Variants in OR2L13 observed in about 807,000 individuals in gnomAD.
OR2L13 encodes the protein olfactory receptor 2L13.
OR2L13 carries 14 observed loss-of-function variants against 15.3 expected under a neutral mutation model. The observed-to-expected ratio is 0.91, with a 90% CI of 0.60 to 1.43. The LOEUF (loss-of-function observed/expected upper bound fraction) is 1.43, where lower values mean the gene tolerates loss of function less well. OR2L13 is among the 40% of genes most tolerant of loss of function. The probability of loss-of-function intolerance (pLI) is 0.00; values close to 1 mark genes in which losing one functional copy is unlikely to be tolerated. For synonymous variants in OR2L13, 152 were observed against 142.9 expected (o/e 1.06, Z -0.45); for missense variants, 367 against 387.9 (o/e 0.95, Z 0.45).
upstream of OR2L13, among the ~76,000 whole-genome samples, chr1:248,091,402 T>G (rs1443713695): frequency 6.9e-6 from 1 of 145,704 alleles, no homozygotes; most frequent in Non-Finnish European, 1.5e-5. Flanking sequence ...TTTTTCAGAG[T>G]ACTTAGAGTT....
chr1:248,067,677 C>T, the OR2L13 span, among the ~76,000 whole-genome samples: 40 of 152,298 alleles, frequency 2.6e-4, no homozygotes, highest in Admixed American at 1.8e-3. Flanking sequence ...GTGTGCGAGC[C>T]GAAGCAGGGC....
the OR2L13 span, among the ~76,000 whole-genome samples, chr1:247,980,455 G>T: frequency 6.6e-6 from 1 of 152,130 alleles, no homozygotes; most frequent in Non-Finnish European, 1.5e-5. Context: ...TCATTGGTAT[G>T]AATGCAGTGA....
At chr1:248,093,914 G>A (rs965889733), upstream of OR2L13, among the ~76,000 whole-genome samples, 2 of 152,000 alleles carry the variant, frequency 1.3e-5, no homozygotes, top group Non-Finnish European at 1.5e-5. Context: ...CCAGAGGCTC[G>A]GCAGAGTAGA....
At chr1:248,082,124 A>C in the OR2L13 span, among the ~76,000 whole-genome samples, 1 of 147,658 alleles carries the variant, frequency 6.8e-6, no homozygotes, top group Non-Finnish European at 1.5e-5. Context: ...TGGATTAAGA[A>C]AATGTGGCAT....
the OR2L13 span, chr1:248,038,143 C>T: frequency 3.0e-6 from 2 of 668,340 alleles, no homozygotes; most frequent in South Asian, 3.7e-5. Flanking sequence ...ATATAGGGTT[C>T]AGTATCAACC....
chr1:247,946,593 A>G, the OR2L13 span, among the ~76,000 whole-genome samples: 1 of 152,210 alleles, frequency 6.6e-6, no homozygotes, highest in Non-Finnish European at 1.5e-5. Flanking sequence ...AAGGACTTCA[A>G]TTTATCTTTC....
the OR2L13 span, among the ~76,000 whole-genome samples, chr1:248,017,141 A>G: frequency 6.6e-6 from 1 of 152,172 alleles, no homozygotes; most frequent in African/African-American, 2.4e-5. Context: ...GCTGATGCCC[A>G]GGTATATACA....
Position 248,099,563 on chromosome 1 carries a change from G to T in OR2L13, c.188G>T (p.Ser63Ile). The change falls in exon 3 of 3, where the codon AGC becomes ATC. Residue 63 changes from serine to isoleucine, a missense_variant. Physicochemically the swap from Ser to Ile is moderately radical, Grantham distance 142 (BLOSUM62 -2). Transcript: ENST00000641714. ...CACACACCGATGTACTTTCTTCTCA[G>T]CCAGCTCTCCCTTATGGACCTGATG... 2.5e-6 allele frequency: 4 copies of T among 1,613,958 alleles called. No individual in the cohort carries two copies. The South Asian group carries it at 4.4e-5, about 18-fold the overall frequency.
At chr1:248,031,687 C>A in the OR2L13 span, among the ~76,000 whole-genome samples, 798 of 152,294 alleles carry the variant, frequency 5.2e-3, 8 homozygotes, top group African/African-American at 0.018. Context: ...AAGGTTCCTT[C>A]TCTAGAACTT....
At chr1:248,068,527 G>C in the OR2L13 span, among the ~76,000 whole-genome samples, 1 of 151,976 alleles carries the variant, frequency 6.6e-6, no homozygotes, top group Non-Finnish European at 1.5e-5. Flanking sequence ...CAAAGATGGG[G>C]AAAAAACAGA....
At chr1:248,059,612 A>T in the OR2L13 span, among the ~76,000 whole-genome samples, 3 of 152,230 alleles carry the variant, frequency 2.0e-5, no homozygotes, top group African/African-American at 7.2e-5. Flanking sequence ...AGCAATAAGG[A>T]TTCCTTCTGG....
chr1:247,949,819 C>A, the OR2L13 span: 490,463 of 1,576,040 alleles, frequency 0.31, 78,401 homozygotes, highest in East Asian at 0.44. Context: ...CCTAAGGTCT[C>A]AGGACTCAGA....
the OR2L13 span, chr1:247,975,611 TG>T: frequency 1.5e-6 from 2 of 1,307,794 alleles, no homozygotes; most frequent in African/African-American, 1.5e-5. Flanking sequence ...AGGGAGGTGA[TG>T]GGGGCCCTGA....
chr1:247,984,471 G>A, the OR2L13 span, among the ~76,000 whole-genome samples: 2 of 152,136 alleles, frequency 1.3e-5, no homozygotes, highest in East Asian at 1.9e-4. Flanking sequence ...TATTCTACTT[G>A]CCAATAACTA....
At chr1:247,982,909 G>C in the OR2L13 span, among the ~76,000 whole-genome samples, 1 of 151,332 alleles carries the variant, frequency 6.6e-6, no homozygotes, top group South Asian at 2.1e-4. Context: ...TTTTTGTTTT[G>C]GGTAATTAAA....
the OR2L13 span, among the ~76,000 whole-genome samples, chr1:248,056,809 G>C: frequency 3.2e-3 from 480 of 151,640 alleles, 8 homozygotes; most frequent in African/African-American, 0.011. Context: ...CACCATACTC[G>C]GCTAAATTTT....
At chr1:248,076,902 G>C in the OR2L13 span, among the ~76,000 whole-genome samples, 925 of 152,162 alleles carry the variant, frequency 6.1e-3, 16 homozygotes, top group African/African-American at 0.021. Flanking sequence ...GGTGAGAGAG[G>C]GCATCCTTGT....
the OR2L13 span, among the ~76,000 whole-genome samples, chr1:248,089,370 T>C: frequency 6.6e-6 from 1 of 152,008 alleles, no homozygotes; most frequent in Non-Finnish European, 1.5e-5. Context: ...GGTGGCTTCA[T>C]TATATAGGCA....
chr1:248,005,523 T>G, the OR2L13 span, among the ~76,000 whole-genome samples: 1 of 152,232 alleles, frequency 6.6e-6, no homozygotes, highest in South Asian at 2.1e-4. Flanking sequence ...TTGCTTTGAC[T>G]ATTTGGGGTC....
Sources: allele counts gnomAD v4.1 joint callset (sites outside exome capture counted in the v4.1 genomes callset), GRCh38; gene constraint gnomAD v4.1.1; transcripts MANE v1.5; gene names NCBI Gene and HGNC (gene_info 2026-07-23, HGNC 2026-07-21).